Variants in CSMD1 observed in about 807,000 individuals in gnomAD.
CSMD1 encodes CUB and sushi domain-containing protein 1.
Under a neutral mutation model 417.5 loss-of-function variants are expected in CSMD1, and 213 were observed. The ratio of observed to expected loss-of-function variants is 0.51; its 90% CI spans 0.46 to 0.57. The LOEUF is 0.57. Among genes scored for constraint, CSMD1 ranks in the 20% least tolerant of loss-of-function variants. The probability of loss-of-function intolerance (pLI) is 0.00; values close to 1 mark genes in which losing one functional copy is unlikely to be tolerated. For missense variants in CSMD1, 6,923 were observed against 4,529.7 expected (o/e 1.53, Z -15.17); for synonymous variants, 2,862 against 1,736.8 (o/e 1.65, Z -16.11).
At chr8:3,882,602 T>G (rs1342037279) in intron 5 of CSMD1, among the ~76,000 whole-genome samples, 1 of 152,228 alleles carries the variant, frequency 6.6e-6, no homozygotes, top group African/African-American at 2.4e-5. Flanking sequence ...AGTAGCACTA[T>G]TTGTAACCTT....
chr8:4,001,906 AT>A (rs928749208), intron 4 of CSMD1, among the ~76,000 whole-genome samples: 3 of 152,132 alleles, frequency 2.0e-5, no homozygotes, highest in Admixed American at 1.3e-4. Flanking sequence ...GAAAAAAAAA[AT>A]TCCCAAACCT....
intron 4 of CSMD1, among the ~76,000 whole-genome samples, chr8:4,022,708 G>C (rs142203694): frequency 1.1e-3 from 174 of 152,280 alleles, no homozygotes; most frequent in African/African-American, 4.1e-3. Flanking sequence ...ATATTGAAAA[G>C]CTGTGGTGAA....
At chr8:4,724,397 T>C (rs1274290424) in intron 1 of CSMD1, among the ~76,000 whole-genome samples, 1 of 152,064 alleles carries the variant, frequency 6.6e-6, no homozygotes, top group Non-Finnish European at 1.5e-5. Context: ...CCATGTGGCA[T>C]ACCATAAAGT....
chr8:4,735,970 C>A (rs571922942), intron 1 of CSMD1, among the ~76,000 whole-genome samples: 1 of 152,282 alleles, frequency 6.6e-6, no homozygotes, highest in East Asian at 1.9e-4. Flanking sequence ...TTAACACTTT[C>A]CTGAACTGAG....
chr8:4,299,520 G>C (rs548387573), intron 3 of CSMD1, among the ~76,000 whole-genome samples: 1 of 152,318 alleles, frequency 6.6e-6, no homozygotes, highest in Admixed American at 6.5e-5. Context: ...TGTAAGTGCT[G>C]AGTATATTGC....
intron 5 of CSMD1, among the ~76,000 whole-genome samples, chr8:3,774,674 C>A (rs1484996621): frequency 6.6e-6 from 1 of 152,138 alleles, no homozygotes; most frequent in African/African-American, 2.4e-5. Flanking sequence ...GTGAAAAAAT[C>A]AGTTTGACTA....
At chr8:4,269,801 C>G (rs1305133632) in intron 3 of CSMD1, among the ~76,000 whole-genome samples, 2 of 152,040 alleles carry the variant, frequency 1.3e-5, no homozygotes, top group African/African-American at 2.4e-5. Context: ...CAGGTGATAC[C>G]CAATGAAGTC....
At chr8:4,487,828 G>T (rs200841549) in intron 2 of CSMD1, among the ~76,000 whole-genome samples, 1 of 27,024 alleles carries the variant, frequency 3.7e-5, no homozygotes, top group African/African-American at 7.0e-5. Context: ...GAGATAACAA[G>T]GGCTAAACAT....
intron 3 of CSMD1, among the ~76,000 whole-genome samples, chr8:4,247,775 A>C (rs900693468): frequency 1.3e-5 from 2 of 152,180 alleles, no homozygotes; most frequent in Non-Finnish European, 2.9e-5. Context: ...ACTTTAAAAT[A>C]GAATCTGAAA....
intron 37 of CSMD1, among the ~76,000 whole-genome samples, chr8:3,177,081 T>G (rs1173936720): frequency 6.6e-6 from 1 of 152,106 alleles, no homozygotes; most frequent in Non-Finnish European, 1.5e-5. Context: ...CCCAGCTTGG[T>G]GACCTCATTT....
chr8:3,171,130 T>C (rs2129043895), intron 37 of CSMD1, among the ~76,000 whole-genome samples: 1 of 152,312 alleles, frequency 6.6e-6, no homozygotes. Flanking sequence ...ACAGATATTT[T>C]AAAATGAGAA....
intron 43 of CSMD1, among the ~76,000 whole-genome samples, chr8:3,109,127 T>G (rs1013468249): frequency 6.6e-6 from 1 of 152,162 alleles, no homozygotes; most frequent in East Asian, 1.9e-4. Flanking sequence ...TAGCTGGGCC[T>G]GGTGGCACGC....
At chr8:4,944,427 T>A (rs1288593755) in intron 1 of CSMD1, among the ~76,000 whole-genome samples, 1 of 152,182 alleles carries the variant, frequency 6.6e-6, no homozygotes, top group Non-Finnish European at 1.5e-5. Flanking sequence ...AAATACTTTT[T>A]GAGATATAAT....
At chr8:4,443,555 G>C (rs1302203480) in intron 2 of CSMD1, among the ~76,000 whole-genome samples, 1 of 152,156 alleles carries the variant, frequency 6.6e-6, no homozygotes, top group Non-Finnish European at 1.5e-5. Context: ...TGTCAGCCAC[G>C]TGTGGCTCAA....
At chr8:4,769,937 A>T (rs1042668923) in intron 1 of CSMD1, among the ~76,000 whole-genome samples, 1 of 152,190 alleles carries the variant, frequency 6.6e-6, no homozygotes, top group African/African-American at 2.4e-5. Flanking sequence ...TAAAAATAAG[A>T]ACAATAACAA....
intron 10 of CSMD1, among the ~76,000 whole-genome samples, chr8:3,496,511 C>T (rs542390685): frequency 6.6e-6 from 1 of 152,292 alleles, no homozygotes; most frequent in Admixed American, 6.5e-5. Context: ...CTATAAACTA[C>T]CCTCTTAGCA....
At chr8:4,974,036 T>C (rs559690094) in intron 1 of CSMD1, among the ~76,000 whole-genome samples, 1 of 152,206 alleles carries the variant, frequency 6.6e-6, no homozygotes, top group Non-Finnish European at 1.5e-5. Flanking sequence ...TACTTATTTA[T>C]TTTAGACAGA....
At chr8:3,192,063 G>C (rs1256973201) in intron 33 of CSMD1, among the ~76,000 whole-genome samples, 5 of 152,166 alleles carry the variant, frequency 3.3e-5, no homozygotes, top group Non-Finnish European at 7.4e-5. Flanking sequence ...TGCTGCTGGG[G>C]AAGCAGTTCC....
At chr8:3,221,622 C>T (rs13275471) in intron 28 of CSMD1, among the ~76,000 whole-genome samples, 14,386 of 151,890 alleles carry the variant, frequency 0.095, 960 homozygotes, top group Non-Finnish European at 0.14. Flanking sequence ...GCGTAGAAGT[C>T]TGGAGTGAAA....
Sources: allele counts gnomAD v4.1 joint callset (sites outside exome capture counted in the v4.1 genomes callset), GRCh38; gene constraint gnomAD v4.1.1; transcripts MANE v1.5; gene names NCBI Gene and HGNC (gene_info 2026-07-23, HGNC 2026-07-21).